The following GPC5 variants were observed in gnomAD, a reference collection of about 807,000 sequenced individuals.
GPC5 encodes glypican 5, also known as glypican-5.
GPC5 carries 47 observed loss-of-function variants against 53.9 expected under a neutral mutation model. The ratio of observed to expected loss-of-function variants is 0.87; its 90% CI spans 0.69 to 1.11. GPC5 has a LOEUF of 1.11. Among genes scored for constraint, GPC5 ranks in the 50% most tolerant of loss-of-function variants. GPC5 has a pLI of 0.00. For synonymous variants in GPC5, 286 were observed against 263.3 expected, an observed-to-expected ratio of 1.09 and a Z score of -0.84; for missense variants, 748 against 713.1, an observed-to-expected ratio of 1.05 and a Z score of -0.56.
At chr13:92,777,828 C>T (rs1875875080) in intron 7 of GPC5, among the ~76,000 whole-genome samples, 1 of 152,210 alleles carries the variant, frequency 6.6e-6, no homozygotes, top group Admixed American at 6.5e-5. Context: ...GCCTCTATCA[C>T]TTACTCCACA....
chr13:92,353,801 T>G (rs748544620), intron 7 of GPC5, among the ~76,000 whole-genome samples: 7 of 152,190 alleles, frequency 4.6e-5, no homozygotes, highest in Non-Finnish European at 1.0e-4. Context: ...ACTAAACATC[T>G]GGTAATAAAT....
chr13:91,631,946 C>A (rs1566567836), intron 2 of GPC5, among the ~76,000 whole-genome samples: 1 of 152,068 alleles, frequency 6.6e-6, no homozygotes. Flanking sequence ...CAACCAAGGT[C>A]TTAAAAGTTT....
At chr13:92,075,436 G>A (rs2041244837) in intron 6 of GPC5, among the ~76,000 whole-genome samples, 1 of 152,076 alleles carries the variant, frequency 6.6e-6, no homozygotes, top group Admixed American at 6.6e-5. Context: ...TTCATAGATT[G>A]TACTAAGTTA....
chr13:92,719,746 T>C (rs1013617815), intron 7 of GPC5, among the ~76,000 whole-genome samples: 3 of 152,128 alleles, frequency 2.0e-5, no homozygotes, highest in African/African-American at 7.2e-5. Flanking sequence ...TAAATCAACG[T>C]CACATATTGT....
intron 2 of GPC5, among the ~76,000 whole-genome samples, chr13:91,481,314 A>T (rs1883285627): frequency 6.6e-6 from 1 of 152,164 alleles, no homozygotes; most frequent in African/African-American, 2.4e-5. Context: ...TTGTGCAGGC[A>T]TCTTATATAA....
chr13:92,308,399 C>T (rs866416320), intron 7 of GPC5, among the ~76,000 whole-genome samples: 5 of 152,176 alleles, frequency 3.3e-5, no homozygotes, highest in South Asian at 2.1e-4. Context: ...TATATATGAA[C>T]GATACATCTC....
chr13:92,018,637 T>G (rs1030472433), intron 6 of GPC5, among the ~76,000 whole-genome samples: 4 of 152,088 alleles, frequency 2.6e-5, no homozygotes, highest in Non-Finnish European at 4.4e-5. Flanking sequence ...AAGCTCAAAT[T>G]CTGAAGAATT....
intron 2 of GPC5, among the ~76,000 whole-genome samples, chr13:91,581,292 A>G (rs1022136774): frequency 6.6e-6 from 1 of 152,156 alleles, no homozygotes; most frequent in African/African-American, 2.4e-5. Flanking sequence ...GAGAAAATAA[A>G]AAGTAGATAG....
In GPC5 at chr13:91,434,585, T is replaced by C. The variant is rs577818790; in HGVS notation, c.164-14176T>C. Among the ~76,000 whole-genome samples the C allele has an allele frequency of 2.8e-3, 426 of 152,348 alleles. 2 individuals are homozygous for C. Among genetic ancestry groups the C allele is most frequent in the Non-Finnish European group, 3.9e-3 (262 of 68,024 alleles). ...TATCTCTGTTTTGGTACCAGTACCA[T>C]GCTGTTTTGGTTACTGTAGCCTTGT... On this transcript the variant is annotated intron_variant, in intron 1 of 7. Coordinates refer to ENST00000377067, the MANE Select transcript of GPC5 (RefSeq NM_004466.6).
At chr13:92,788,200 T>G (rs1194784079) in intron 7 of GPC5, among the ~76,000 whole-genome samples, 1 of 151,960 alleles carries the variant, frequency 6.6e-6, no homozygotes, top group African/African-American at 2.4e-5. Context: ...TAAATGAAGA[T>G]TTACAAGAAA....
At chr13:91,419,050 T>C (rs538991317) in intron 1 of GPC5, among the ~76,000 whole-genome samples, 1 of 152,128 alleles carries the variant, frequency 6.6e-6, no homozygotes, top group Non-Finnish European at 1.5e-5. Context: ...TCATATGATG[T>C]ATACTTCTCA....
chr13:92,465,096 A>G (rs1251401777), intron 7 of GPC5, among the ~76,000 whole-genome samples: 1 of 152,008 alleles, frequency 6.6e-6, no homozygotes, highest in Non-Finnish European at 1.5e-5. Context: ...TTTTCTCCAA[A>G]AAGTAGAAAA....
At chr13:91,698,294 A>G (rs972977300) in intron 3 of GPC5, among the ~76,000 whole-genome samples, 1 of 152,198 alleles carries the variant, frequency 6.6e-6, no homozygotes, top group Non-Finnish European at 1.5e-5. Context: ...TAGAATTACT[A>G]TATAATTCTA....
rs550494505 is a variant in GPC5 at position 92,360,893 on chromosome 13, G to A, written c.1561+215904G>A. Among the ~76,000 whole-genome samples, 24 of 151,862 alleles carry A rather than the reference G, an allele frequency of 1.6e-4. No individual in the cohort carries two copies. The South Asian group carries it at 2.5e-3, about 16-fold the overall frequency. ...GTATTGCAGAGAGCAAATAAATAGC[G>A]TATGTTACAAAGGTCTCAAATGTAA... On this transcript the variant is annotated intron_variant, in intron 7 of 7. Transcript: ENST00000377067.
intron 7 of GPC5, among the ~76,000 whole-genome samples, chr13:92,584,988 A>T (rs1486819079): frequency 1.3e-5 from 2 of 152,078 alleles, no homozygotes; most frequent in Non-Finnish European, 2.9e-5. Context: ...AAACGCCTGG[A>T]TGCCTAGGCA....
At chr13:91,689,298 G>A (rs1417145432) in intron 2 of GPC5, among the ~76,000 whole-genome samples, 2 of 145,902 alleles carry the variant, frequency 1.4e-5, no homozygotes, top group Non-Finnish European at 3.0e-5. Flanking sequence ...CATAGCATGA[G>A]TGGAGCTTGC....
chr13:92,079,975 C>T (rs1369708167), intron 6 of GPC5, among the ~76,000 whole-genome samples: 1 of 152,284 alleles, frequency 6.6e-6, no homozygotes, highest in South Asian at 2.1e-4. Flanking sequence ...GCTATCCTTT[C>T]ATTTTACAAT....
rs149297172 is a variant in GPC5 at position 92,669,608 on chromosome 13, C to T, written c.1562-196674C>T. On this transcript the variant is annotated intron_variant, in intron 7 of 7. Transcript: ENST00000377067. ...ACCTCACTTTCCTCACACCCTAAAC[C>T]GAATTGTCCCCAGGTCCCAATCAGC... Among the ~76,000 whole-genome samples, 1,117 of 152,200 alleles carry T rather than the reference C, an allele frequency of 7.3e-3. 10 individuals are homozygous for T. Among genetic ancestry groups the T allele is most frequent in the South Asian group, 0.025 (121 of 4,808 alleles).
At chr13:91,912,064 C>G (rs2039615216) in intron 6 of GPC5, among the ~76,000 whole-genome samples, 2 of 152,110 alleles carry the variant, frequency 1.3e-5, no homozygotes, top group Admixed American at 6.6e-5. Flanking sequence ...AAGTTGTCAC[C>G]TTTCCTTTAG....
Sources: gnomAD v4.1 joint callset for allele counts (sites outside exome capture counted in the v4.1 genomes callset) on GRCh38, gnomAD v4.1.1 for gene constraint, MANE v1.5 for transcripts, NCBI Gene and HGNC (gene_info 2026-07-23, HGNC 2026-07-21) for gene names.